The following IMPG2 variants were observed in gnomAD, a reference collection of about 807,000 sequenced individuals.
IMPG2 encodes the protein IPM 200.
A neutral mutation model predicts 129.2 loss-of-function variants in IMPG2; 91 were observed. The ratio of observed to expected loss-of-function variants is 0.70; its 90% CI spans 0.59 to 0.84. The LOEUF (loss-of-function observed/expected upper bound fraction) is 0.84. Ranked by LOEUF, IMPG2 falls within the 40% of genes least tolerant of loss-of-function variation. The pLI is 0.00. For missense variants in IMPG2, 1,430 were observed against 1,461.7 expected, an observed-to-expected ratio of 0.98 and a Z score of 0.35; for synonymous variants, 510 against 517.7, an observed-to-expected ratio of 0.99 and a Z score of 0.20.
intron 4 of IMPG2, among the ~76,000 whole-genome samples, chr3:101,281,283 G>A (rs376002806): frequency 1.7e-4 from 26 of 152,232 alleles, no homozygotes; most frequent in African/African-American, 5.8e-4. Flanking sequence ...AGATAAATGC[G>A]GGCTGTTTTA....
chr3:101,314,474 A>G (rs368282302), intron 2 of IMPG2, among the ~76,000 whole-genome samples: 2 of 152,030 alleles, frequency 1.3e-5, no homozygotes, highest in African/African-American at 4.8e-5. Context: ...AACAAATGAA[A>G]CTATACCCAG....
rs76224688 is a variant in IMPG2, at chr3:101,281,621, G to T, written c.534-4908C>A. ...GCAGAATACTAGCCTCCCAAAGAGG[G>T]CCATATCTTAATTCCCAGAGAGGGG... On this transcript the variant is annotated intron_variant, in intron 4 of 18. Coordinates refer to ENST00000193391, the MANE Select transcript of IMPG2 (RefSeq NM_016247.4). Among the ~76,000 whole-genome samples the T allele has an allele frequency of 4.5e-4, 69 of 152,254 alleles. 1 individual carries two copies. The East Asian group carries it at 0.01, about 23-fold the overall frequency.
chr3:101,301,029 T>C (rs1280061924), intron 3 of IMPG2, among the ~76,000 whole-genome samples: 1 of 152,200 alleles, frequency 6.6e-6, no homozygotes, highest in Non-Finnish European at 1.5e-5. Flanking sequence ...CTAATCTCAA[T>C]ATTGCTGTAA....
intron 7 of IMPG2, among the ~76,000 whole-genome samples, chr3:101,270,905 G>T (rs1297473978): frequency 6.6e-6 from 1 of 152,124 alleles, no homozygotes; most frequent in Non-Finnish European, 1.5e-5. Context: ...TCATGATGGG[G>T]CCAACATCAG....
chr3:101,229,323 C>CGGGG, intron 17 of IMPG2, 57 bp downstream of exon 17: 3 of 804,630 alleles, frequency 3.7e-6, no homozygotes, highest in Non-Finnish European at 4.0e-6. Flanking sequence ...ACCCCCTGCT[C>CGGGG]CCCCACACAC....
In IMPG2 at chr3:101,227,048, G is replaced by A. The variant is rs138251963; in HGVS notation, c.3714-67C>T. On this transcript the variant is annotated intron_variant, in intron 18 of 18. Transcript: ENST00000193391. ...AAGAATGTAATAAAATGCAATTACT[G>A]TCATACATCACTAAGCTATACTCCT... 417 of 1,452,906 alleles carry A rather than the reference G, an allele frequency of 2.9e-4. 1 individual carries two copies. The East Asian group carries it at 8.6e-3, about 30-fold the overall frequency. 90.0% of individuals were successfully genotyped at this position (1,452,906 alleles called of 1,614,324 possible).
At chr3:101,274,638 G>A (rs1037428737) in intron 6 of IMPG2, among the ~76,000 whole-genome samples, 1 of 152,112 alleles carries the variant, frequency 6.6e-6, no homozygotes, top group Non-Finnish European at 1.5e-5. Context: ...CTATAAATTG[G>A]CTTAAATCCT....
In IMPG2 at chr3:101,225,522, G is replaced by A. The variant is rs886057675; in HGVS notation, c.*1447C>T. On this transcript the variant is annotated 3_prime_UTR_variant, in exon 19 of 19. Coordinates refer to ENST00000193391, the MANE Select transcript of IMPG2 (RefSeq NM_016247.4). The stretch of plus-strand genomic sequence containing the variant: ...CACTAGCTTTACTGTGGCATGCACT[G>A]AGCCCAGATATTTAGTTTCCGGTGT... 4 of 152,280 alleles carry A rather than the reference G, an allele frequency of 2.6e-5. 1 individual carries two copies. The South Asian group carries it at 8.3e-4, about 32-fold the overall frequency. The allele number at this position is 152,280 out of a possible 1,614,324, so 9.4% of individuals were successfully genotyped here.
rs1357683652 is a variant in IMPG2 at position 101,224,406 on chromosome 3, T to C, written c.*2563A>G. 1 of 152,248 alleles carries C rather than the reference T, an allele frequency of 6.6e-6. No individual in the cohort carries two copies. The highest frequency in any genetic ancestry group is 2.4e-5 in the African/African-American group (1 of 41,468). The allele number at this position is 152,248 out of a possible 1,614,324, so 9.4% of individuals were successfully genotyped here. On this transcript the variant is annotated 3_prime_UTR_variant, in exon 19 of 19. Transcript: ENST00000193391. ...TATTGCTAACTGCATTTTAGTATTT[T>C]CACATAAGGTGATAGTCTTGTTGAA...
At position 101,319,306 on chromosome 3, in the gene IMPG2, A is replaced by G. The variant is rs1419104304; in HGVS notation, c.334+278T>C. On this transcript the variant is annotated intron_variant, in intron 2 of 18. Coordinates refer to ENST00000193391, the MANE Select transcript of IMPG2 (RefSeq NM_016247.4). ...TAACGCACCAAAAGCTACAAACTCA[A>G]ATCATGAAAGCGTTCTTCCTTTGGT... is the stretch of plus-strand genomic sequence containing the variant. Among the ~76,000 whole-genome samples, 4 of 152,136 alleles carry G rather than the reference A, an allele frequency of 2.6e-5. No individual in the cohort carries two copies. In the East Asian group the frequency reaches 5.8e-4, roughly 22 times the overall value.
Position 101,306,147 on chromosome 3 carries a change from T to A in IMPG2, c.335-1835A>T, listed in dbSNP as rs1015279465. 3.9e-5 allele frequency among the ~76,000 whole-genome samples: 6 copies of A among 152,198 alleles called. No homozygotes were observed. In the South Asian group the frequency reaches 1.2e-3, roughly 31 times the overall value. On this transcript the variant is annotated intron_variant, in intron 2 of 18. Transcript: ENST00000193391. ...AAGCTTCAATTGACTCATCTCTCTTTTTAACAGGATAAATAATTACTGCCT... is the reference window on the plus strand; with the variant it reads ...AAGCTTCAATTGACTCATCTCTCTTATTAACAGGATAAATAATTACTGCCT...
intron 11 of IMPG2, among the ~76,000 whole-genome samples, chr3:101,247,503 A>G (rs1706494244): frequency 1.3e-5 from 2 of 152,222 alleles, no homozygotes; most frequent in Admixed American, 1.3e-4. Flanking sequence ...AGGCTGAGGC[A>G]GGAGAATCAC....
intron 14 of IMPG2, among the ~76,000 whole-genome samples, chr3:101,240,125 A>AT (rs1184639741): frequency 4.7e-5 from 7 of 150,098 alleles, no homozygotes; most frequent in Non-Finnish European, 7.4e-5. Context: ...TTTATTTTTT[A>AT]TTTTTTTTTA....
At chr3:101,280,819 C>T (rs1322894348) in intron 4 of IMPG2, among the ~76,000 whole-genome samples, 1 of 151,840 alleles carries the variant, frequency 6.6e-6, no homozygotes, top group Non-Finnish European at 1.5e-5. Context: ...CATAGTGGCA[C>T]ATGCCTGTAA....
chr3:101,288,862 C>G (rs932362365), intron 4 of IMPG2, among the ~76,000 whole-genome samples: 1 of 152,158 alleles, frequency 6.6e-6, no homozygotes, highest in Non-Finnish European at 1.5e-5. Context: ...TTCCCTCTCT[C>G]TATGTATGGG....
intron 3 of IMPG2, among the ~76,000 whole-genome samples, chr3:101,296,281 T>C (rs760582567): frequency 5.3e-5 from 8 of 152,210 alleles, no homozygotes; most frequent in Non-Finnish European, 1.0e-4. Context: ...GAAGGGCCGT[T>C]GAATTTTGTC....
chr3:101,313,319 A>G (rs1262764725), intron 2 of IMPG2, among the ~76,000 whole-genome samples: 2 of 152,120 alleles, frequency 1.3e-5, no homozygotes, highest in Non-Finnish European at 2.9e-5. Flanking sequence ...GAAGAGCAAA[A>G]TCAGCATGAC....
chr3:101,302,097 A>G (rs544337728), intron 3 of IMPG2, among the ~76,000 whole-genome samples: 1 of 152,296 alleles, frequency 6.6e-6, no homozygotes, highest in South Asian at 2.1e-4. Context: ...GTTTATCCCC[A>G]GCTCTTCTTC....
rs1157318669 is a variant in IMPG2, at chr3:101,319,535, C to T, written c.334+49G>A. On this transcript the variant is annotated intron_variant, in intron 2 of 18. Coordinates refer to ENST00000193391, the MANE Select transcript of IMPG2 (RefSeq NM_016247.4). ...CAATGTTACCTAACAAATGATTAAA[C>T]TATGTTTGAATTTCATTATGGAGCT... 12 of 1,606,226 alleles carry T rather than the reference C, an allele frequency of 7.5e-6. No homozygotes were observed. The African/African-American group carries it at 1.5e-4, about 20-fold the overall frequency.
Sources: allele counts gnomAD v4.1 joint callset (sites outside exome capture counted in the v4.1 genomes callset), GRCh38; gene constraint gnomAD v4.1.1; transcripts MANE v1.5; gene names NCBI Gene and HGNC (gene_info 2026-07-23, HGNC 2026-07-21).